BZW2: variants seen among roughly 807,000 people sequenced by gnomAD.
BZW2 encodes the protein basic leucine zipper and W2 domains 2.
A neutral mutation model predicts 53.2 loss-of-function variants in BZW2; 23 were observed. The ratio of observed to expected loss-of-function variants is 0.43; its 90% CI spans 0.31 to 0.61. The LOEUF (loss-of-function observed/expected upper bound fraction) is 0.61, where lower values mean the gene tolerates loss of function less well. Among genes scored for constraint, BZW2 ranks in the 20% least tolerant of loss-of-function variants. BZW2 has a pLI of 0.09. For missense variants in BZW2, 409 were observed against 503.1 expected (o/e 0.81, Z 1.79); for synonymous variants, 227 against 186.4 (o/e 1.22, Z -1.77).
At chr7:16,686,069 C>G in intron 6 of BZW2, 29 bp downstream of exon 6, 2 of 1,608,958 alleles carry the variant, frequency 1.2e-6, no homozygotes, top group African/African-American at 2.7e-5. Context: ...TCTCGCCTGT[C>G]AGACAACAAA....
At chr7:16,689,660 A>C (rs1337089825) in intron 6 of BZW2, 137 bp from the exon 7 acceptor site, 3 of 539,124 alleles carry the variant, frequency 5.6e-6, no homozygotes. Context: ...ATTTGCCTAG[A>C]GGTCTATTGA....
intron 1 of BZW2, 62 bp from the exon 2 acceptor site, chr7:16,665,375 C>T: frequency 6.3e-7 from 1 of 1,589,334 alleles, no homozygotes; most frequent in Non-Finnish European, 8.6e-7. Context: ...ACTTATTGGC[C>T]ATATGTTTTC....
intron 1 of BZW2, among the ~76,000 whole-genome samples, chr7:16,656,859 T>C (rs1290250401): frequency 1.3e-5 from 2 of 152,208 alleles, no homozygotes; most frequent in African/African-American, 4.8e-5. Flanking sequence ...GTTATTTGGG[T>C]CCTCAAATTG....
Position 16,706,075 on chromosome 7 carries a change from G to C in BZW2, c.1247G>C (p.Gly416Ala). 4 of 1,613,716 alleles carry C rather than the reference G, an allele frequency of 2.5e-6. No individual in the cohort carries two copies. The highest frequency in any genetic ancestry group is 3.4e-6 in the Non-Finnish European group (4 of 1,179,818). The change falls in exon 12 of 12, where the codon GGT (glycine) becomes GCT (alanine). Residue 416 changes from glycine (G) to alanine (A), a missense_variant. By Grantham distance (60) the Gly-to-Ala change is moderately conservative. Around this residue, in one of 3 missense-constraint regions of BZW2, gnomAD observed 88 missense variants for 114.6 expected, o/e 0.77. Transcript: ENST00000258761. ...QNAEEESESE[G>A]EEN ...TCTCTCCTAGAATCCGAATCGGAAG[G>C]TGAGGAAAATTAAATGGCTCAACAA...
intron 2 of BZW2, among the ~76,000 whole-genome samples, chr7:16,666,955 C>T (rs1023164335): frequency 6.8e-6 from 1 of 147,670 alleles, no homozygotes; most frequent in African/African-American, 2.5e-5. Context: ...GTCAGTTTTG[C>T]ATAATTATAT....
rs553292955 is a variant in BZW2, at chr7:16,659,150, C to T, written c.-7-6287C>T. ...TCTCCTCAAAAATGTATATATTTTC[C>T]AGTGAAGAACTTTAATGGTGGACTC... On this transcript the variant is annotated intron_variant, in intron 1 of 11. Transcript: ENST00000258761. Among the ~76,000 whole-genome samples, 9 of 151,922 alleles carry T rather than the reference C, an allele frequency of 5.9e-5. No individual in the cohort carries two copies. The South Asian group carries it at 1.9e-3, about 31-fold the overall frequency.
rs555791953 is a variant in BZW2 at position 16,689,680 on chromosome 7, T to C, written c.542-117T>C. The C allele has an allele frequency of 9.5e-6, 7 of 736,280 alleles. No individual in the cohort carries two copies. The East Asian group carries it at 2.1e-4, about 22-fold the overall frequency. The allele number at this position is 736,280 out of a possible 1,614,324, so 45.6% of individuals were successfully genotyped here. ...CCTAGAGGTCTATTGACTTTTCATT[T>C]GTACCAAAATTAGTCTTTTAGTTAT... On this transcript the variant is annotated intron_variant, in intron 6 of 11. Coordinates refer to ENST00000258761, the MANE Select transcript of BZW2 (RefSeq NM_014038.3).
intron 2 of BZW2, among the ~76,000 whole-genome samples, chr7:16,672,485 T>C (rs1782631974): frequency 6.6e-6 from 1 of 152,168 alleles, no homozygotes; most frequent in African/African-American, 2.4e-5. Flanking sequence ...TAGTATTCTC[T>C]TCCCTCCATC....
chr7:16,688,189 A>C (rs1783189220), intron 6 of BZW2, among the ~76,000 whole-genome samples: 1 of 152,222 alleles, frequency 6.6e-6, no homozygotes, highest in South Asian at 2.1e-4. Flanking sequence ...CTTATGTAAC[A>C]ATAAATAGAA....
intron 4 of BZW2, among the ~76,000 whole-genome samples, chr7:16,682,106 A>G (rs2128361931): frequency 6.6e-6 from 1 of 152,328 alleles, no homozygotes; most frequent in South Asian, 2.1e-4. Context: ...TTACATTAGG[A>G]AACGAATACA....
intron 1 of BZW2, among the ~76,000 whole-genome samples, chr7:16,656,137 C>CTATA (rs1554264390): frequency 4.9e-5 from 7 of 141,536 alleles, no homozygotes; most frequent in South Asian, 2.1e-4. Flanking sequence ...ATATAAATGA[C>CTATA]TATATATATA....
chr7:16,646,247 GCAGCCCC>G lies in BZW2; in HGVS notation c.-43_-37del. On this transcript the variant is annotated 5_prime_UTR_variant, in exon 1 of 12. Coordinates refer to ENST00000258761, the MANE Select transcript of BZW2 (RefSeq NM_014038.3). ...TGCCGCTGCTGCTGCACGAATCGCC[GCAGCCCC>G]CAGCCTTGCGCGTCGTCGCTACCTC... The G allele has an allele frequency of 3.2e-6, 1 of 313,730 alleles. No homozygotes were observed. Among genetic ancestry groups the G allele is most frequent in the Admixed American group, 3.5e-5 (1 of 28,658 alleles). The allele number at this position is 313,730 out of a possible 1,614,324, so 19.4% of individuals were successfully genotyped here.
intron 10 of BZW2, among the ~76,000 whole-genome samples, chr7:16,703,611 TG>T (rs1436741251): frequency 1.3e-5 from 2 of 152,228 alleles, no homozygotes; most frequent in African/African-American, 4.8e-5. Context: ...ATAAATGCTT[TG>T]TACCTGTTTT....
intron 2 of BZW2, among the ~76,000 whole-genome samples, chr7:16,667,110 C>T (rs189231989): frequency 3.7e-4 from 56 of 151,422 alleles, no homozygotes; most frequent in Non-Finnish European, 4.6e-4. Flanking sequence ...TGGAGAAACC[C>T]AGTCTCTACT....
chr7:16,665,475 G>A lies in BZW2; in HGVS notation c.32G>A (p.Gly11Asp). The change falls in exon 2 of 12, where the codon GGC (glycine) becomes GAC (aspartate). Residue 11 changes from glycine to aspartate, a missense_variant. Gly to Asp is a moderately conservative substitution (Grantham distance 94). This residue lies in a region of BZW2 where 316 missense variants were observed against 366.8 expected (regional missense o/e 0.86). Transcript: ENST00000258761. MNKHQKPVLT[G>D]QRFKTRKRDE... ...AAGCATCAGAAGCCAGTGCTAACAG[G>A]CCAGCGGTTCAAAACTCGGAAAAGG... 6.2e-7 allele frequency: 1 copy of A among 1,613,914 alleles called. No individual in the cohort carries two copies. Among genetic ancestry groups the A allele is most frequent in the South Asian group, 1.1e-5 (1 of 91,066 alleles).
intron 2 of BZW2, among the ~76,000 whole-genome samples, chr7:16,670,127 A>G (rs1286792785): frequency 6.6e-6 from 1 of 152,230 alleles, no homozygotes; most frequent in Non-Finnish European, 1.5e-5. Context: ...CCTGCAAAAC[A>G]ATTATTAGTC....
intron 1 of BZW2, among the ~76,000 whole-genome samples, chr7:16,656,678 A>C (rs1461609668): frequency 6.6e-6 from 1 of 151,702 alleles, no homozygotes; most frequent in Non-Finnish European, 1.5e-5. Flanking sequence ...TTTCTAATTC[A>C]ATGTTTCATT....
At chr7:16,695,371 G>T (rs564034261) in intron 8 of BZW2, among the ~76,000 whole-genome samples, 1 of 152,142 alleles carries the variant, frequency 6.6e-6, no homozygotes, top group African/African-American at 2.4e-5. Flanking sequence ...TTAAGCATTT[G>T]TCTAGTGTTT....
chr7:16,659,931 A>G (rs1211733072), intron 1 of BZW2, among the ~76,000 whole-genome samples: 1 of 151,742 alleles, frequency 6.6e-6, no homozygotes, highest in Non-Finnish European at 1.5e-5. Flanking sequence ...TACAGGTGCC[A>G]TGTTGGTGTG....
Sources: allele counts gnomAD v4.1 joint callset (sites outside exome capture counted in the v4.1 genomes callset), GRCh38; gene constraint gnomAD v4.1.1; regional missense constraint gnomAD v4.1.1; transcripts MANE v1.5; gene names NCBI Gene and HGNC (gene_info 2026-07-23, HGNC 2026-07-21).